DPF3: variants seen among roughly 807,000 people sequenced by gnomAD.
DPF3 encodes the protein double PHD fingers 3.
A neutral mutation model predicts 56.8 loss-of-function variants in DPF3; 18 were observed. The ratio of observed to expected loss-of-function variants is 0.32; its 90% CI spans 0.22 to 0.47. The LOEUF is 0.47. DPF3 is among the 20% of genes least tolerant of loss of function. The pLI is 1.00. For missense variants in DPF3, 403 were observed against 488.8 expected, an observed-to-expected ratio of 0.82 and a Z score of 1.65; for synonymous variants, 188 against 180.2, an observed-to-expected ratio of 1.04 and a Z score of -0.35.
chr14:72,791,241 G>A (rs1486100897), intron 1 of DPF3, among the ~76,000 whole-genome samples: 2 of 152,148 alleles, frequency 1.3e-5, no homozygotes, highest in African/African-American at 2.4e-5. Flanking sequence ...TTCGTGTGGA[G>A]CTGCTGCTTT....
intron 8 of DPF3, among the ~76,000 whole-genome samples, chr14:72,667,891 C>T (rs1042918912): frequency 6.6e-6 from 1 of 152,180 alleles, no homozygotes; most frequent in Admixed American, 6.5e-5. Context: ...AGGGGCAATG[C>T]AGGCAACGAT....
intron 1 of DPF3, among the ~76,000 whole-genome samples, chr14:72,841,988 G>A (rs970088644): frequency 1.2e-4 from 18 of 151,890 alleles, no homozygotes; most frequent in African/African-American, 4.1e-4. Flanking sequence ...TCAGGAGGCT[G>A]AGGTAGGAGG....
chr14:72,621,374 T>G (rs960688328), intron 9 of DPF3, among the ~76,000 whole-genome samples: 1 of 152,026 alleles, frequency 6.6e-6, no homozygotes, highest in African/African-American at 2.4e-5. Flanking sequence ...TATTTGGTGA[T>G]TGTTGAAACT....
rs761207319 is a variant in DPF3 at position 72,612,488 on chromosome 14, C to A, written c.*6809G>T. Reference sequence around the variant, plus strand: ...TTCAACTACATGTTGAAAATGTGCACGGGGTATATTTTCTTTTTCCTATAC... The same window carrying A: ...TTCAACTACATGTTGAAAATGTGCAAGGGGTATATTTTCTTTTTCCTATAC... On this transcript the variant is annotated 3_prime_UTR_variant, in exon 11 of 11. Coordinates refer to ENST00000556509, the MANE Select transcript of DPF3 (RefSeq NM_001280542.3). 7.3e-5 allele frequency: 38 copies of A among 518,326 alleles called. No homozygotes were observed. Among genetic ancestry groups the A allele is most frequent in the South Asian group, 5.3e-4 (38 of 71,560 alleles). 32.1% of individuals were successfully genotyped at this position (518,326 alleles called of 1,614,324 possible).
chr14:72,828,697 T>C (rs1883925593), intron 1 of DPF3, among the ~76,000 whole-genome samples: 1 of 151,990 alleles, frequency 6.6e-6, no homozygotes, highest in African/African-American at 2.4e-5. Flanking sequence ...TGAGAAAGAC[T>C]GAAGAGGGAG....
intron 1 of DPF3, among the ~76,000 whole-genome samples, chr14:72,858,308 CAAAA>C (rs34498163): frequency 8.3e-6 from 1 of 119,854 alleles, no homozygotes; most frequent in Non-Finnish European, 1.7e-5. Flanking sequence ...GACTCTATCT[CAAAA>C]AAAAAAAAAA....
At chr14:72,828,382 G>T (rs1011655963) in intron 1 of DPF3, among the ~76,000 whole-genome samples, 1 of 151,876 alleles carries the variant, frequency 6.6e-6, no homozygotes, top group Non-Finnish European at 1.5e-5. Context: ...AGCATTAAAA[G>T]ATTATCATGG....
At chr14:72,750,956 C>T (rs117597488) in intron 3 of DPF3, among the ~76,000 whole-genome samples, 3,757 of 152,116 alleles carry the variant, frequency 0.025, 62 homozygotes, top group Non-Finnish European at 0.036. Flanking sequence ...TCTGGGAGAC[C>T]GAGGCAGGAG....
intron 8 of DPF3, among the ~76,000 whole-genome samples, chr14:72,665,693 G>A (rs1356223770): frequency 6.6e-6 from 1 of 152,224 alleles, no homozygotes; most frequent in East Asian, 1.9e-4. Context: ...ATGGCAACCT[G>A]TGAGCCCAGA....
intron 8 of DPF3, among the ~76,000 whole-genome samples, chr14:72,665,512 C>A (rs1032557127): frequency 2.0e-5 from 3 of 152,220 alleles, no homozygotes; most frequent in Admixed American, 6.5e-5. Flanking sequence ...GATACAACAT[C>A]ATTTCTAAGG....
chr14:72,626,929 T>C (rs1430005840), intron 9 of DPF3, among the ~76,000 whole-genome samples: 1 of 151,980 alleles, frequency 6.6e-6, no homozygotes, highest in Non-Finnish European at 1.5e-5. Flanking sequence ...TTTGAACTTT[T>C]TTTTTTTTTT....
chr14:72,714,547 C>A (rs757078845), intron 5 of DPF3, 46 bp from the exon 6 acceptor site: 2 of 1,607,674 alleles, frequency 1.2e-6, no homozygotes, highest in South Asian at 1.1e-5. Context: ...ATGGTCATCA[C>A]TACAGCTCCG....
chr14:72,761,102 A>G (rs150935613), intron 2 of DPF3, among the ~76,000 whole-genome samples: 14 of 152,236 alleles, frequency 9.2e-5, no homozygotes, highest in African/African-American at 2.9e-4. Context: ...TAGAATTGTA[A>G]GGAGAAATAA....
chr14:72,699,056 G>A (rs1316112583), intron 6 of DPF3, among the ~76,000 whole-genome samples: 1 of 152,200 alleles, frequency 6.6e-6, no homozygotes, highest in Non-Finnish European at 1.5e-5. Flanking sequence ...GCTTGGGAAA[G>A]AGACGTAGAT....
intron 1 of DPF3, among the ~76,000 whole-genome samples, chr14:72,810,166 A>C (rs1484725945): frequency 6.6e-6 from 1 of 152,226 alleles, no homozygotes; most frequent in Non-Finnish European, 1.5e-5. Context: ...CCTCAGATAC[A>C]GAGGGCAGCG....
intron 1 of DPF3, among the ~76,000 whole-genome samples, chr14:72,811,858 A>T (rs1883059319): frequency 6.6e-6 from 1 of 152,104 alleles, no homozygotes; most frequent in Non-Finnish European, 1.5e-5. Context: ...GCAGATGAGA[A>T]CACTGAGTTT....
intron 8 of DPF3, chr14:72,671,363 G>A (rs753775595): frequency 1.4e-5 from 22 of 1,612,600 alleles, no homozygotes; most frequent in Non-Finnish European, 1.9e-5. Context: ...GAATATATCA[G>A]CACATGGGTT....
intron 1 of DPF3, among the ~76,000 whole-genome samples, chr14:72,857,088 C>T (rs1235907253): frequency 2.0e-5 from 3 of 152,174 alleles, no homozygotes; most frequent in African/African-American, 4.8e-5. Context: ...AAAGGGGCGA[C>T]CAGGAAGGCC....
chr14:72,828,763 C>A (rs1291162804), intron 1 of DPF3, among the ~76,000 whole-genome samples: 1 of 152,022 alleles, frequency 6.6e-6, no homozygotes, highest in African/African-American at 2.4e-5. Flanking sequence ...GGACTTTATC[C>A]TGGGGGCAAT....
Sources: gnomAD v4.1 joint callset for allele counts (sites outside exome capture counted in the v4.1 genomes callset) on GRCh38, gnomAD v4.1.1 for gene constraint, MANE v1.5 for transcripts, NCBI Gene and HGNC (gene_info 2026-07-23, HGNC 2026-07-21) for gene names.